The following FAM149A variants were observed in gnomAD, a reference collection of about 807,000 sequenced individuals.
FAM149A encodes the protein family with sequence similarity 149 member A, also known as protein FAM149A.
FAM149A carries 71 observed loss-of-function variants against 78.2 expected under a neutral mutation model. The observed-to-expected ratio is 0.91, with a 90% CI of 0.75 to 1.11. FAM149A has a LOEUF of 1.11. Among genes scored for constraint, FAM149A ranks in the 50% least tolerant of loss-of-function variants. FAM149A has a pLI of 0.00. For missense variants in FAM149A, 1,036 were observed against 971.0 expected, an observed-to-expected ratio of 1.07 and a Z score of -0.89; for synonymous variants, 446 against 410.5, an observed-to-expected ratio of 1.09 and a Z score of -1.04.
chr4:186,134,237 A>G (rs553052332), intron 1 of FAM149A, among the ~76,000 whole-genome samples: 1 of 152,180 alleles, frequency 6.6e-6, no homozygotes, highest in Admixed American at 6.5e-5. Flanking sequence ...GCATCGTGCG[A>G]TGCTGTTGAA....
At chr4:186,140,422 T>G (rs976073640) in intron 1 of FAM149A, among the ~76,000 whole-genome samples, 1 of 147,600 alleles carries the variant, frequency 6.8e-6, no homozygotes, top group Non-Finnish European at 1.5e-5. Flanking sequence ...TGACTACAGA[T>G]CCATGTGAAC....
At chr4:186,114,023 G>C (rs1487556307) in intron 1 of FAM149A, among the ~76,000 whole-genome samples, 1 of 141,132 alleles carries the variant, frequency 7.1e-6, no homozygotes, top group African/African-American at 2.7e-5. Flanking sequence ...TATTGTGTGG[G>C]AGTCTAAGTC....
intron 1 of FAM149A, among the ~76,000 whole-genome samples, 177 bp from the exon 2 acceptor site, chr4:186,148,996 T>TGG (rs1235312360): frequency 5.5e-5 from 6 of 109,106 alleles, no homozygotes; most frequent in Admixed American, 4.8e-4. Flanking sequence ...TTCATCAGGA[T>TGG]GGGGTGTGTG....
intron 8 of FAM149A, among the ~76,000 whole-genome samples, chr4:186,160,448 CACAA>C (rs1734487203): frequency 6.7e-6 from 1 of 149,674 alleles, no homozygotes; most frequent in African/African-American, 2.5e-5. Context: ...ATATATCCCA[CACAA>C]ACACACCACA....
intron 1 of FAM149A, chr4:186,130,293 C>CTCTCTCTCTCTCTCTCCCTATATATA: frequency 2.1e-5 from 1 of 46,592 alleles, no homozygotes; most frequent in Non-Finnish European, 3.9e-5. Context: ...CTCTCTCTCT[C>CTCTCTCTCTCTCTCTCCCTATATATA]TATATATATA....
rs1375509845 is a variant in FAM149A at position 186,104,920 on chromosome 4, G to A, written c.-157G>A. Reference sequence around the variant, plus strand: ...GGGGAAGGGCGACCCCAGCGGCGCGGAGCTGAGCGTCCTCGGGGAGGAGAG... The same window carrying A: ...GGGGAAGGGCGACCCCAGCGGCGCGAAGCTGAGCGTCCTCGGGGAGGAGAG... On this transcript the variant is annotated 5_prime_UTR_variant, in exon 1 of 14. Transcript: ENST00000389354. 2 of 972,312 alleles carry A rather than the reference G, an allele frequency of 2.1e-6. No homozygotes were observed. Among genetic ancestry groups the A allele is most frequent in the East Asian group, 2.3e-4 (2 of 8,708 alleles). 60.2% of individuals were successfully genotyped at this position (972,312 alleles called of 1,614,324 possible). A position where few individuals can be genotyped will look rare whatever the true frequency, so the allele number is the denominator to read the frequency against.
At chr4:186,106,704 T>C (rs1274864108) in intron 1 of FAM149A, among the ~76,000 whole-genome samples, 1 of 152,112 alleles carries the variant, frequency 6.6e-6, no homozygotes, top group Non-Finnish European at 1.5e-5. Context: ...TCCCAGCACT[T>C]TGGGAGGCCG....
At chr4:186,159,755 A>G (rs1477791490) in intron 8 of FAM149A, among the ~76,000 whole-genome samples, 2 of 152,082 alleles carry the variant, frequency 1.3e-5, no homozygotes, top group East Asian at 1.9e-4. Flanking sequence ...GAGGCTGGAA[A>G]GGATACACTT....
chr4:186,160,574 CCACAT>C (rs1238911160), intron 8 of FAM149A, among the ~76,000 whole-genome samples: 1 of 149,088 alleles, frequency 6.7e-6, no homozygotes, highest in Non-Finnish European at 1.5e-5. Context: ...ACCACACACA[CCACAT>C]ATCATACACA....
chr4:186,130,314 T>TATATATATA (rs141900902), intron 1 of FAM149A, among the ~76,000 whole-genome samples: 1 of 116,456 alleles, frequency 8.6e-6, no homozygotes, highest in Non-Finnish European at 1.7e-5. Context: ...TATATATATA[T>TATATATATA]AATCTATATC....
chr4:186,128,458 C>A, intron 1 of FAM149A, among the ~76,000 whole-genome samples: 1 of 151,336 alleles, frequency 6.6e-6, no homozygotes, highest in Admixed American at 6.6e-5. Flanking sequence ...TTGGGAGCCA[C>A]TCAGCTAAAT....
rs1036651779 is a variant in FAM149A, at chr4:186,173,762, T to C, written c.*1775T>C. Among the ~76,000 whole-genome samples, 2 of 113,000 alleles carry C rather than the reference T, an allele frequency of 1.8e-5. 1 individual carries two copies. The highest frequency in any genetic ancestry group is 4.5e-5 in the Non-Finnish European group (2 of 44,740). The allele number at this position is 113,000 out of a possible 152,430, so 74.1% of individuals were successfully genotyped here. On this transcript the variant is annotated 3_prime_UTR_variant, in exon 14 of 14. Coordinates refer to ENST00000389354, the MANE Select transcript of FAM149A (RefSeq NM_001367768.3). The stretch of plus-strand genomic sequence containing the variant: ...TCTTTTCCGTGGTCACAGCTCCATG[T>C]GTCCGGGGAAGATTGCTAATGCTTA...
At chr4:186,166,251 A>G (rs1313032989) in intron 11 of FAM149A, among the ~76,000 whole-genome samples, 4 of 152,190 alleles carry the variant, frequency 2.6e-5, no homozygotes, top group East Asian at 1.9e-4. Context: ...ACCTGGGGCC[A>G]GGTTCCCTCC....
intron 8 of FAM149A, among the ~76,000 whole-genome samples, chr4:186,161,444 T>C (rs1197648323): frequency 6.6e-6 from 1 of 152,196 alleles, no homozygotes; most frequent in Non-Finnish European, 1.5e-5. Flanking sequence ...CTTCTGTGCC[T>C]TTTCTGTTCT....
At chr4:186,143,118 G>A (rs7688196) in intron 1 of FAM149A, among the ~76,000 whole-genome samples, 133,097 of 148,066 alleles carry the variant, frequency 0.9, 60,030 homozygotes, top group African/African-American at 0.97. Context: ...GCATATGTTT[G>A]GATCTTAAAT....
chr4:186,147,979 A>G (rs1053813443), intron 1 of FAM149A, among the ~76,000 whole-genome samples: 4 of 152,244 alleles, frequency 2.6e-5, no homozygotes, highest in African/African-American at 9.6e-5. Context: ...AGACGTATCT[A>G]TGGAAGGTAG....
chr4:186,120,971 A>G lies in FAM149A; in HGVS notation c.566+15329A>G, dbSNP rs905783455. ...CGGATTCACGCCATTCTCCTGCCCC[A>G]GCCTCCCTAATATTCCTATTAGTAC... On this transcript the variant is annotated intron_variant, in intron 1 of 13. Transcript: ENST00000389354. Among the ~76,000 whole-genome samples, 17 of 139,856 alleles carry G rather than the reference A, an allele frequency of 1.2e-4. No individual in the cohort carries two copies. The Admixed American group carries it at 1.3e-3, about 11-fold the overall frequency. The allele number at this position is 139,856 out of a possible 152,430, so 91.8% of individuals were successfully genotyped here. A position where few individuals can be genotyped will look rare whatever the true frequency, so the allele number is the denominator to read the frequency against.
chr4:186,166,669 A>AC (rs1465477769), intron 11 of FAM149A, among the ~76,000 whole-genome samples: 2 of 150,180 alleles, frequency 1.3e-5, no homozygotes, highest in East Asian at 3.9e-4. Flanking sequence ...AAAAAAAAAA[A>AC]AAAGGCAAAC....
At chr4:186,127,629 C>T (rs1221915707) in intron 1 of FAM149A, 1 of 985,322 alleles carries the variant, frequency 1.0e-6, no homozygotes, top group Non-Finnish European at 1.2e-6. Flanking sequence ...CCTTACTCTT[C>T]AGACAAGCAA....
Sources: allele counts gnomAD v4.1 joint callset (sites outside exome capture counted in the v4.1 genomes callset), GRCh38; gene constraint gnomAD v4.1.1; transcripts MANE v1.5; gene names NCBI Gene and HGNC (gene_info 2026-07-23, HGNC 2026-07-21).